The following LONRF2 variants were observed in gnomAD, a reference collection of about 807,000 sequenced individuals.
The protein encoded by LONRF2 is LON peptidase N-terminal domain and RING finger protein 2.
In LONRF2, 35 loss-of-function variants were observed where a neutral mutation model predicts 66.6. The ratio of observed to expected loss-of-function variants is 0.53; its 90% confidence interval spans 0.40 to 0.70. The LOEUF (loss-of-function observed/expected upper bound fraction) is 0.70, where lower values mean the gene tolerates loss of function less well. LONRF2 is among the 30% of genes least tolerant of loss of function. The probability of loss-of-function intolerance (pLI) is 0.00; values close to 1 mark genes in which losing one functional copy is unlikely to be tolerated. For missense variants in LONRF2, 902 were observed against 1,002.1 expected (o/e 0.90, Z 1.35); for synonymous variants, 417 against 418.1 (o/e 1.00, Z 0.03).
intron 3 of LONRF2, 67 bp downstream of exon 3, chr2:100,302,854 T>C (rs1426034455): frequency 2.2e-6 from 3 of 1,382,196 alleles, no homozygotes; most frequent in Non-Finnish European, 2.9e-6. Flanking sequence ...ATGCAAGGGT[T>C]ACTCAGCATG....
chr2:100,305,851 T>C (rs11693044), intron 2 of LONRF2, among the ~76,000 whole-genome samples: 67,975 of 151,958 alleles, frequency 0.45, 15,961 homozygotes, highest in East Asian at 0.71. Flanking sequence ...GAATCTTACA[T>C]AATTTGGAAA....
At chr2:100,297,899 TATA>T (rs1675104783) in intron 7 of LONRF2, among the ~76,000 whole-genome samples, 3 of 152,376 alleles carry the variant, frequency 2.0e-5, no homozygotes, top group African/African-American at 7.2e-5. Context: ...TTTTAAAGGT[TATA>T]ATTATTTAAA....
chr2:100,306,812 C>T (rs961480975), intron 2 of LONRF2, among the ~76,000 whole-genome samples: 1 of 152,148 alleles, frequency 6.6e-6, no homozygotes, highest in Admixed American at 6.5e-5. Context: ...CATCCCCTTA[C>T]CTTACCTTCC....
intron 9 of LONRF2, 98 bp from the exon 10 acceptor site, chr2:100,290,518 C>T: frequency 8.0e-7 from 1 of 1,248,134 alleles, no homozygotes. Context: ...AATACAAAGC[C>T]ACACAAAACA....
chr2:100,311,788 C>T (rs922465184), intron 1 of LONRF2, among the ~76,000 whole-genome samples: 1 of 152,102 alleles, frequency 6.6e-6, no homozygotes, highest in African/African-American at 2.4e-5. Context: ...AGACTGCTTT[C>T]AGCATCTGAG....
At chr2:100,306,793 C>T (rs1352755353) in intron 2 of LONRF2, among the ~76,000 whole-genome samples, 1 of 152,160 alleles carries the variant, frequency 6.6e-6, no homozygotes, top group African/African-American at 2.4e-5. Context: ...CCTCAGTGAA[C>T]TTACTTCCCA....
At chr2:100,284,631 T>C (rs1573108026) in intron 11 of LONRF2, 139 bp from the exon 12 acceptor site, 1 of 662,568 alleles carries the variant, frequency 1.5e-6, no homozygotes. Flanking sequence ...TCACAATTCA[T>C]TCAGCTCTCA....
chr2:100,301,205 C>T (rs891883004), intron 3 of LONRF2, among the ~76,000 whole-genome samples: 1 of 152,136 alleles, frequency 6.6e-6, no homozygotes, highest in Non-Finnish European at 1.5e-5. Context: ...AACCAGAAGA[C>T]CCACCTCGTA....
At chr2:100,317,077 C>T (rs1675523280) in intron 1 of LONRF2, among the ~76,000 whole-genome samples, 3 of 152,188 alleles carry the variant, frequency 2.0e-5, no homozygotes, top group Non-Finnish European at 4.4e-5. Context: ...AAGTTTACCT[C>T]GTGTGTAAAC....
chr2:100,296,382 C>T (rs543292658), intron 7 of LONRF2, among the ~76,000 whole-genome samples: 11 of 152,252 alleles, frequency 7.2e-5, no homozygotes, highest in Middle Eastern at 3.4e-3. Context: ...CTCTCCACTG[C>T]GCTCATAAAG....
chr2:100,297,820 G>A (rs1190843843), intron 7 of LONRF2, among the ~76,000 whole-genome samples: 1 of 152,174 alleles, frequency 6.6e-6, no homozygotes. Flanking sequence ...AATAAAGCAA[G>A]TATGTGCATA....
chr2:100,292,403 A>T (rs992060773), intron 9 of LONRF2, among the ~76,000 whole-genome samples: 4 of 152,192 alleles, frequency 2.6e-5, no homozygotes, highest in Admixed American at 6.5e-5. Flanking sequence ...CAATTTGTTT[A>T]AAAAAAGAAA....
rs2105725637 is a variant in LONRF2 at position 100,300,617 on chromosome 2, A to C, written c.1065+27T>G. The C allele has an allele frequency of 2.5e-6, 4 of 1,582,448 alleles. No individual in the cohort carries two copies. In the South Asian group the frequency reaches 4.7e-5, roughly 19 times the overall value. On this transcript the variant is annotated intron_variant, in intron 4 of 11. Transcript: ENST00000393437. ...CATTATGTAAAGCTTAATCAAGAGAATCCTGACAAATGCATGCACGTCATA... is the reference window on the plus strand; with the variant it reads ...CATTATGTAAAGCTTAATCAAGAGACTCCTGACAAATGCATGCACGTCATA...
chr2:100,287,939 C>T (rs186067597), intron 10 of LONRF2, among the ~76,000 whole-genome samples: 2 of 152,226 alleles, frequency 1.3e-5, no homozygotes, highest in Admixed American at 6.5e-5. Flanking sequence ...ACAAAAACTA[C>T]GGTGTGCTGA....
intron 9 of LONRF2, among the ~76,000 whole-genome samples, chr2:100,292,795 T>C (rs1674988174): frequency 6.6e-6 from 1 of 152,224 alleles, no homozygotes; most frequent in South Asian, 2.1e-4. Flanking sequence ...AATGTTTTTA[T>C]ATTTTGTTTT....
intron 1 of LONRF2, among the ~76,000 whole-genome samples, chr2:100,312,357 T>A (rs1675426709): frequency 6.6e-6 from 1 of 152,180 alleles, no homozygotes; most frequent in Non-Finnish European, 1.5e-5. Context: ...AACACATTTA[T>A]CAAATATTTG....
At position 100,298,846 on chromosome 2, in the gene LONRF2, T is replaced by G. The variant is rs762000421; in HGVS notation, c.1466A>C (p.Lys489Thr). The G allele has an allele frequency of 1.4e-5, 23 of 1,613,566 alleles. No homozygotes were observed. The South Asian group carries it at 2.4e-4, about 17-fold the overall frequency. ...HAPHCPLCKD[K>T]LSELLASRNF... ...CTAAAGTGTACTTACTTCCGAAAGT[T>G]TGTCTTTGCACAAAGGACAGTGTGG... The change falls in exon 7 of 12, where the codon AAA becomes ACA. Residue 489 changes from lysine (K) to threonine (T), a missense_variant. This residue lies in a region of LONRF2 where 317 missense variants were observed against 432.2 expected (regional missense o/e 0.73). Coordinates refer to ENST00000393437, the MANE Select transcript of LONRF2 (RefSeq NM_198461.4).
Position 100,299,327 on chromosome 2 carries a change from C to T in LONRF2, c.1268-8G>A, listed in dbSNP as rs997415790. Reference sequence around the variant, plus strand: ...TCCTTTGAAGTGAGAGATCTGAATGCGAAAAAATTTAAAACGCTGTAATTA... The same window carrying T: ...TCCTTTGAAGTGAGAGATCTGAATGTGAAAAAATTTAAAACGCTGTAATTA... On this transcript the variant is annotated splice_region_variant and splice_polypyrimidine_tract_variant and intron_variant, in intron 5 of 11. Transcript: ENST00000393437. The T allele has an allele frequency of 2.0e-5, 31 of 1,532,376 alleles. No individual in the cohort carries two copies. The highest frequency in any genetic ancestry group is 2.8e-5 in the African/African-American group (2 of 71,660). The allele number at this position is 1,532,376 out of a possible 1,614,324, so 94.9% of individuals were successfully genotyped here.
At chr2:100,302,288 A>G (rs954279127) in intron 3 of LONRF2, among the ~76,000 whole-genome samples, 2 of 152,250 alleles carry the variant, frequency 1.3e-5, no homozygotes, top group African/African-American at 2.4e-5. Flanking sequence ...TACAAGGAAG[A>G]ACTGATTCAT....
Sources: allele counts gnomAD v4.1 joint callset (sites outside exome capture counted in the v4.1 genomes callset), GRCh38; gene constraint gnomAD v4.1.1; regional missense constraint gnomAD v4.1.1; transcripts MANE v1.5; gene names NCBI Gene and HGNC (gene_info 2026-07-23, HGNC 2026-07-21).